The following CLCN1 variants were observed in gnomAD, a reference collection of about 807,000 sequenced individuals.
CLCN1 encodes the protein chloride voltage-gated channel 1, also known as chloride channel protein 1.
In CLCN1, 100 loss-of-function variants were observed where a neutral mutation model predicts 114.5. That is an observed-to-expected ratio of 0.87 (90% CI 0.74 to 1.03). The LOEUF (loss-of-function observed/expected upper bound fraction) is 1.03, where lower values mean the gene tolerates loss of function less well. CLCN1 is among the 50% of genes least tolerant of loss of function. The pLI, the probability that CLCN1 is intolerant of heterozygous loss-of-function variation, is 0.00. For missense variants in CLCN1, 1,188 were observed against 1,250.0 expected, an observed-to-expected ratio of 0.95 and a Z score of 0.75; for synonymous variants, 485 against 487.1, an observed-to-expected ratio of 1.00 and a Z score of 0.06.
At chr7:143,343,025 T>C (rs6952847) in intron 16 of CLCN1, among the ~76,000 whole-genome samples, 66,755 of 152,024 alleles carry the variant, frequency 0.44, 15,222 homozygotes, top group African/African-American at 0.56. Flanking sequence ...CTATACTGAA[T>C]AATTGCTCCT....
At chr7:143,338,793 C>CAAAA (rs535268770) in intron 12 of CLCN1, among the ~76,000 whole-genome samples, 1 of 77,932 alleles carries the variant, frequency 1.3e-5, no homozygotes, top group Non-Finnish European at 2.6e-5. Flanking sequence ...GACCCTGTCT[C>CAAAA]AAAAAAAAAA....
chr7:143,345,180 T>C (rs1290998537), intron 16 of CLCN1, among the ~76,000 whole-genome samples: 1 of 152,246 alleles, frequency 6.6e-6, no homozygotes, highest in Non-Finnish European at 1.5e-5. Flanking sequence ...TCAGCTTATT[T>C]GAATGGCTTC....
intron 15 of CLCN1, 31 bp downstream of exon 15, chr7:143,342,173 T>C: frequency 6.2e-7 from 1 of 1,600,296 alleles, no homozygotes; most frequent in Non-Finnish European, 8.6e-7. Flanking sequence ...TTAGTTCAGA[T>C]CTGATGGGGA....
intron 7 of CLCN1, among the ~76,000 whole-genome samples, chr7:143,330,446 GAC>G (rs1159195355): frequency 6.6e-6 from 1 of 152,034 alleles, no homozygotes; most frequent in African/African-American, 2.4e-5. Context: ...GTGGGTATCT[GAC>G]AGTTGTGAAC....
chr7:143,317,092 AG>A (rs1293779037), intron 1 of CLCN1, among the ~76,000 whole-genome samples: 1 of 152,132 alleles, frequency 6.6e-6, no homozygotes, highest in Non-Finnish European at 1.5e-5. Flanking sequence ...CACCTAGGAA[AG>A]GGGGAATGGG....
chr7:143,340,798 G>A (rs753039557), intron 14 of CLCN1, among the ~76,000 whole-genome samples: 10 of 152,192 alleles, frequency 6.6e-5, no homozygotes, highest in Non-Finnish European at 1.3e-4. Context: ...CTCCCAGAGT[G>A]CTAGGATTAC....
chr7:143,329,884 A>AT (rs1046809578), intron 7 of CLCN1, among the ~76,000 whole-genome samples: 1 of 151,856 alleles, frequency 6.6e-6, no homozygotes, highest in Non-Finnish European at 1.5e-5. Flanking sequence ...ATGTTGAAAT[A>AT]TTTTTTTCTT....
At position 143,350,767 on chromosome 7, in the gene CLCN1, T is replaced by C; in HGVS notation, c.2595+113T>C. On this transcript the variant is annotated intron_variant, in intron 22 of 22. Coordinates refer to ENST00000343257, the MANE Select transcript of CLCN1 (RefSeq NM_000083.3). The surrounding 1 kb of genome is among the most constrained non-coding windows in gnomAD (Gnocchi z 5.1). Reference sequence around the variant, plus strand: ...TCTCAGAAGTCCCCTCAGATTCCCTTCTCTATTTCTTTCTTTTTTTTTTTT... The same window carrying C: ...TCTCAGAAGTCCCCTCAGATTCCCTCCTCTATTTCTTTCTTTTTTTTTTTT... 1 of 765,582 alleles carries C rather than the reference T, an allele frequency of 1.3e-6. No homozygotes were observed. The highest frequency in any genetic ancestry group is 2.2e-6 in the Non-Finnish European group (1 of 458,202). The allele number at this position is 765,582 out of a possible 1,614,324, so 47.4% of individuals were successfully genotyped here. A position where few individuals can be genotyped will look rare whatever the true frequency, so the allele number is the denominator to read the frequency against.
chr7:143,334,994 G>T (rs1444624991), intron 12 of CLCN1, among the ~76,000 whole-genome samples: 1 of 152,106 alleles, frequency 6.6e-6, no homozygotes, highest in Non-Finnish European at 1.5e-5. Context: ...TACAAATTTT[G>T]GTGGATCTCA....
rs1563089961 is a variant in CLCN1 at position 143,350,428 on chromosome 7, T to C, written c.2460T>C (p.Cys820=). ...AGCCTGTCTGTTTTGATTCCTGCTG[T>C]ATTGACCAGTCTCCCTTCCAGCTGG... ...LSQPVCFDSC[C]IDQSPFQLVE... Residue 820 remains cysteine (C), a synonymous_variant, in exon 21 of 23, where the codon TGT becomes TGC. Coordinates refer to ENST00000343257, the MANE Select transcript of CLCN1 (RefSeq NM_000083.3). The surrounding 1 kb of genome is among the most constrained non-coding windows in gnomAD (Gnocchi z 5.1). 6.2e-7 allele frequency: 1 copy of C among 1,614,204 alleles called. No individual in the cohort carries two copies. The highest frequency in any genetic ancestry group is 8.5e-7 in the Non-Finnish European group (1 of 1,180,030).
Position 143,339,704 on chromosome 7 carries a change from T to A in CLCN1, c.1582+83T>A, listed in dbSNP as rs1803028082. The A allele has an allele frequency of 2.3e-6, 2 of 877,232 alleles. No individual in the cohort carries two copies. The highest frequency in any genetic ancestry group is 2.7e-5 in the South Asian group (2 of 73,806). 54.3% of individuals were successfully genotyped at this position (877,232 alleles called of 1,614,324 possible). ...TTAAACTCTCCCATTGGATCTTCATTCTAGGCTACACAATACGGTTTTAAT... is the reference window on the plus strand; with the variant it reads ...TTAAACTCTCCCATTGGATCTTCATACTAGGCTACACAATACGGTTTTAAT... On this transcript the variant is annotated intron_variant, in intron 14 of 22. Coordinates refer to ENST00000343257, the MANE Select transcript of CLCN1 (RefSeq NM_000083.3). This position sits in a 1 kb window ranked among gnomAD's most constrained non-coding sequence, Gnocchi z 4.1.
At chr7:143,330,181 C>T (rs1163100060) in intron 7 of CLCN1, among the ~76,000 whole-genome samples, 1 of 152,044 alleles carries the variant, frequency 6.6e-6, no homozygotes, top group African/African-American at 2.4e-5. Flanking sequence ...TTGTATGACT[C>T]CTCTACCTTC....
chr7:143,326,910 C>G (rs1213802874), intron 7 of CLCN1, among the ~76,000 whole-genome samples: 1 of 152,042 alleles, frequency 6.6e-6, no homozygotes, highest in Non-Finnish European at 1.5e-5. Flanking sequence ...TTCTATAAAC[C>G]AGTTGGAAAA....
intron 14 of CLCN1, among the ~76,000 whole-genome samples, chr7:143,341,221 A>G (rs1803065651): frequency 6.7e-6 from 1 of 148,198 alleles, no homozygotes; most frequent in Non-Finnish European, 1.5e-5. Flanking sequence ...TAATACCTAA[A>G]GCCCAAGGTA....
At chr7:143,347,346 C>G (rs1803274159) in intron 20 of CLCN1, among the ~76,000 whole-genome samples, 1 of 152,126 alleles carries the variant, frequency 6.6e-6, no homozygotes, top group South Asian at 2.1e-4. Context: ...GGAGGCCGGG[C>G]ATGGTGGCTC....
Position 143,338,477 on chromosome 7 carries a change from G to A in CLCN1, c.1402-776G>A, listed in dbSNP as rs538952402. On this transcript the variant is annotated intron_variant, in intron 12 of 22. Coordinates refer to ENST00000343257, the MANE Select transcript of CLCN1 (RefSeq NM_000083.3). ...ACAATAAGTCACTCAGACTTTAAAT[G>A]TCTGACACTTAGAACTGGAGCTCCT... Among the ~76,000 whole-genome samples the A allele has an allele frequency of 1.1e-4, 17 of 152,158 alleles. No homozygotes were observed. The South Asian group carries it at 2.9e-3, about 26-fold the overall frequency.
chr7:143,319,805 G>T lies in CLCN1; in HGVS notation c.231G>T (p.Gly77=). Residue 77 remains glycine (G), a synonymous_variant, in exon 2 of 23, where the codon GGG becomes GGT. Coordinates refer to ENST00000343257, the MANE Select transcript of CLCN1 (RefSeq NM_000083.3). ...EQFSDREQDI[G]MPKKTGSSST... The stretch of plus-strand genomic sequence containing the variant: ...TCTCAGACAGGGAGCAGGACATAGG[G>T]ATGCCCAAGAAGACAGGCTCCAGTT... 6.2e-7 allele frequency: 1 copy of T among 1,613,532 alleles called. No homozygotes were observed. The highest frequency in any genetic ancestry group is 8.5e-7 in the Non-Finnish European group (1 of 1,179,464).
chr7:143,320,471 C>T (rs1464162363), intron 2 of CLCN1, among the ~76,000 whole-genome samples, 193 bp from the exon 3 acceptor site: 1 of 152,112 alleles, frequency 6.6e-6, no homozygotes, highest in African/African-American at 2.4e-5. Flanking sequence ...GTGCATAAGA[C>T]ATACGGACCC....
At chr7:143,344,206 A>C (rs932106032) in intron 16 of CLCN1, among the ~76,000 whole-genome samples, 2 of 152,178 alleles carry the variant, frequency 1.3e-5, no homozygotes, top group African/African-American at 4.8e-5. Context: ...CTCTGCCTTC[A>C]CCATCATTTG....
Sources: allele counts gnomAD v4.1 joint callset (sites outside exome capture counted in the v4.1 genomes callset), GRCh38; gene constraint gnomAD v4.1.1; non-coding constraint Gnocchi (gnomAD v3.1); transcripts MANE v1.5; gene names NCBI Gene and HGNC (gene_info 2026-07-23, HGNC 2026-07-21).